SLC27A1: variants seen among roughly 807,000 people sequenced by gnomAD.
The protein encoded by SLC27A1 is solute carrier family 27 member 1, also known as long-chain fatty acid transport protein 1.
In SLC27A1, 61 loss-of-function variants were observed where a neutral mutation model predicts 62.2. The ratio of observed to expected loss-of-function variants is 0.98; its 90% CI spans 0.80 to 1.21. The LOEUF is 1.21. SLC27A1 is among the 50% of genes most tolerant of loss of function. SLC27A1 has a pLI of 0.00. For synonymous variants in SLC27A1, 435 were observed against 408.6 expected, an observed-to-expected ratio of 1.06 and a Z score of -0.78; for missense variants, 903 against 932.1, an observed-to-expected ratio of 0.97 and a Z score of 0.41.
chr19:17,500,073 T>G, intron 7 of SLC27A1: 1 of 746,500 alleles, frequency 1.3e-6, no homozygotes, highest in Non-Finnish European at 2.1e-6. Context: ...TTCTCTTGAC[T>G]GAATGCAGGC....
chr19:17,471,918 C>T (rs1381709876), intron 1 of SLC27A1, among the ~76,000 whole-genome samples: 1 of 152,164 alleles, frequency 6.6e-6, no homozygotes, highest in East Asian at 1.9e-4. Flanking sequence ...CATCTGTTCC[C>T]TGCCCACCTG....
In SLC27A1 at chr19:17,486,875, G is replaced by T; in HGVS notation, c.480G>T (p.Val160=). ...KAGMEAALLN[V]NLRREPLAFC... is the part of the protein sequence containing the mutation. ...GCATGGAGGCCGCGCTGCTCAACGTGAACCTGCGGCGCGAGCCCCTGGCCT... is the reference window on the plus strand; with the variant it reads ...GCATGGAGGCCGCGCTGCTCAACGTTAACCTGCGGCGCGAGCCCCTGGCCT... The change falls in exon 2 of 12, where the codon GTG becomes GTT. Residue 160 remains valine, a synonymous_variant. Transcript: ENST00000252595. This position sits in a 1 kb window ranked among gnomAD's most constrained non-coding sequence, Gnocchi z 6.6. 6.3e-7 allele frequency: 1 copy of T among 1,586,732 alleles called. No individual in the cohort carries two copies.
intron 1 of SLC27A1, among the ~76,000 whole-genome samples, chr19:17,471,476 G>GT (rs1176651479): frequency 6.6e-6 from 1 of 151,968 alleles, no homozygotes; most frequent in Non-Finnish European, 1.5e-5. Context: ...TCCTTGGAGG[G>GT]TTTTTGCGGT....
At position 17,487,202 on chromosome 19, in the gene SLC27A1, G is replaced by GAA. The variant is rs2075243564; in HGVS notation, c.594_595dup (p.Ser199LysfsTer3). ...TGGCCGAAGTGAGCGGGCATCTGGG[G>GAA]AAAAGTTTGATCAAGTTCTGCTCTG... On this transcript the variant is annotated frameshift_variant, in exon 3 of 12. Transcript: ENST00000252595. LOFTEE classifies it high-confidence loss of function. The GAA allele has an allele frequency of 6.2e-7, 1 of 1,614,014 alleles. No individual in the cohort carries two copies. Among genetic ancestry groups the GAA allele is most frequent in the Non-Finnish European group, 8.5e-7 (1 of 1,180,008 alleles).
upstream of SLC27A1, among the ~76,000 whole-genome samples, chr19:17,469,443 C>G (rs1208890235): frequency 6.6e-6 from 1 of 152,028 alleles, no homozygotes; most frequent in Non-Finnish European, 1.5e-5. Context: ...GGTAGAGATC[C>G]TGCACGCCAA....
rs1297136876 is a variant in SLC27A1, at chr19:17,504,601, T to C, written c.1930T>C (p.Phe644Leu). 2 of 1,614,008 alleles carry C rather than the reference T, an allele frequency of 1.2e-6. No homozygotes were observed. The highest frequency in any genetic ancestry group is 1.7e-6 in the Non-Finnish European group (2 of 1,180,024). The change falls in exon 12 of 12, where the codon TTC becomes CTC. Residue 644 changes from phenylalanine (F) to leucine (L), a missense_variant. By Grantham distance (22) the Phe-to-Leu change is conservative. Transcript: ENST00000252595. ...AVYTRICSGA[F>L]AL The stretch of plus-strand genomic sequence containing the variant: ...CTACACTCGCATCTGCTCGGGCGCC[T>C]TCGCCCTCTGAAGCTGTTCCTCTAC...
intron 7 of SLC27A1, chr19:17,499,759 G>A (rs1449255895): frequency 6.5e-6 from 1 of 153,644 alleles, no homozygotes; most frequent in Non-Finnish European, 1.4e-5. Context: ...GTTACAGTGA[G>A]CGAAGATTGC....
At position 17,495,066 on chromosome 19, in the gene SLC27A1, G is replaced by A. The variant is rs566321124; in HGVS notation, c.997-2189G>A. On this transcript the variant is annotated intron_variant, in intron 6 of 11. Coordinates refer to ENST00000252595, the MANE Select transcript of SLC27A1 (RefSeq NM_198580.3). Reference sequence around the variant, plus strand: ...TGGCTTACTGCAACCTCTGCCTCTCGGGTTCAAGAGATTCTCCTGCCTCAG... The same window carrying A: ...TGGCTTACTGCAACCTCTGCCTCTCAGGTTCAAGAGATTCTCCTGCCTCAG... Among the ~76,000 whole-genome samples, 3 of 151,542 alleles carry A rather than the reference G, an allele frequency of 2.0e-5. No homozygotes were observed. The East Asian group carries it at 5.8e-4, about 29-fold the overall frequency.
intron 7 of SLC27A1, 121 bp from the exon 8 acceptor site, chr19:17,500,155 TCA>T: frequency 3.4e-6 from 5 of 1,467,376 alleles, no homozygotes; most frequent in Non-Finnish European, 4.6e-6. Flanking sequence ...TCAGCCAAGG[TCA>T]CAGAGCTTAG....
At chr19:17,469,453 A>G (rs1052305885), upstream of SLC27A1, among the ~76,000 whole-genome samples, 2 of 152,086 alleles carry the variant, frequency 1.3e-5, no homozygotes, top group Non-Finnish European at 2.9e-5. Context: ...CTGCACGCCA[A>G]CTAGGGCTCG....
rs561973194 is a variant in SLC27A1, at chr19:17,500,403, C to T, written c.1332C>T (p.Ala444=). ...DAQGLCIPCQ[A]GEPGLLVGQI... The stretch of plus-strand genomic sequence containing the variant: ...AGGGCCTCTGCATCCCCTGCCAGGC[C>T]GGTGAGCAGGGCCCCCGCATGGTCC... Residue 444 remains alanine, a splice_region_variant and synonymous_variant, in exon 8 of 12, where the codon GCC becomes GCT. Transcript: ENST00000252595. 13 of 1,613,710 alleles carry T rather than the reference C, an allele frequency of 8.1e-6. No homozygotes were observed. Among genetic ancestry groups the T allele is most frequent in the Admixed American group, 3.3e-5 (2 of 60,002 alleles).
chr19:17,469,050 C>G (rs1382986608), upstream of SLC27A1: 2 of 152,214 alleles, frequency 1.3e-5, no homozygotes, highest in Non-Finnish European at 2.9e-5. Flanking sequence ...CCCAGGCCAG[C>G]GCTGGCAGCG....
rs763436997 is a variant in SLC27A1, at chr19:17,497,396, G to A, written c.1138G>A (p.Val380Ile). ...IWEEFTERFG[V>I]RQIGEFYGAT... is the part of the protein sequence containing the mutation. ...GGAGGAGTTCACGGAGCGCTTCGGC[G>A]TACGCCAAATCGGGGAGTTCTACGG... is the stretch of plus-strand genomic sequence containing the variant. The change falls in exon 7 of 12, where the codon GTA becomes ATA. Residue 380 changes from valine to isoleucine, a missense_variant. By Grantham distance (29) the Val-to-Ile change is conservative. Transcript: ENST00000252595. The A allele has an allele frequency of 1.2e-6, 2 of 1,605,500 alleles. No individual in the cohort carries two copies. Among genetic ancestry groups the A allele is most frequent in the Admixed American group, 1.8e-5 (1 of 57,002 alleles).
chr19:17,484,670 G>A (rs2075211431), intron 1 of SLC27A1, among the ~76,000 whole-genome samples: 1 of 151,804 alleles, frequency 6.6e-6, no homozygotes, highest in Non-Finnish European at 1.5e-5. Flanking sequence ...AGTGAATGAA[G>A]ATGGAATGAA....
rs555231610 is a variant in SLC27A1, at chr19:17,482,448, G to T, written c.168-4115G>T. ...CGGGTGGATCACGAGGTCAAGAAAT[G>T]GAGACCATTCTGGCTAACATGGTGA... On this transcript the variant is annotated intron_variant, in intron 1 of 11. Transcript: ENST00000252595. Among the ~76,000 whole-genome samples the T allele has an allele frequency of 2.2e-4, 34 of 151,992 alleles. No homozygotes were observed. The South Asian group carries it at 7.1e-3, about 32-fold the overall frequency.
rs2144576611 is a variant in SLC27A1, at chr19:17,486,918, G to A, written c.523G>A (p.Gly175Ser). 1.3e-6 allele frequency: 2 copies of A among 1,591,722 alleles called. No individual in the cohort carries two copies. The highest frequency in any genetic ancestry group is 1.7e-4 in the Middle Eastern group (1 of 6,014). The change falls in exon 2 of 12, where the codon GGC becomes AGC. Residue 175 changes from glycine (G) to serine (S), a missense_variant. By Grantham distance (56) the Gly-to-Ser change is moderately conservative. Transcript: ENST00000252595. The surrounding 1 kb of genome is among the most constrained non-coding windows in gnomAD (Gnocchi z 6.6). The stretch of plus-strand genomic sequence containing the variant: ...CCTGGCCTTCTGCCTGGGCACCTCG[G>A]GCGCTAAGGCCCTGATCTTTGGAGG... ...EPLAFCLGTS[G>S]AKALIFGGEM... is the part of the protein sequence containing the mutation.
intron 1 of SLC27A1, among the ~76,000 whole-genome samples, chr19:17,471,480 T>C (rs1224398281): frequency 1.3e-5 from 2 of 151,908 alleles, no homozygotes; most frequent in Non-Finnish European, 2.9e-5. Flanking sequence ...TGGAGGGTTT[T>C]TGCGGTGTCT....
At chr19:17,475,122 C>G (rs889363139) in intron 1 of SLC27A1, among the ~76,000 whole-genome samples, 2 of 152,168 alleles carry the variant, frequency 1.3e-5, no homozygotes, top group African/African-American at 4.8e-5. Context: ...ACCACATTGG[C>G]CAGGCTGGTC....
At position 17,497,321 on chromosome 19, in the gene SLC27A1, C is replaced by T. The variant is rs776300655; in HGVS notation, c.1063C>T (p.Arg355Ter). Residue 355 changes from arginine (R) to a stop codon, truncating the protein, a stop_gained, in exon 7 of 12, where the codon CGA (arginine) becomes TGA (stop). Coordinates refer to ENST00000252595, the MANE Select transcript of SLC27A1 (RefSeq NM_198580.3). LOFTEE classifies it high-confidence loss of function. ...LKQPVREAER[R>*]HRVRLAVGNG... ...GCAGCCGGTGCGCGAGGCGGAGAGG[C>T]GACACCGCGTGCGCCTGGCGGTGGG... is the stretch of plus-strand genomic sequence containing the variant. 2.7e-5 allele frequency: 44 copies of T among 1,606,216 alleles called. No homozygotes were observed. Among genetic ancestry groups the T allele is most frequent in the Non-Finnish European group, 3.5e-5 (41 of 1,177,630 alleles).
Sources: gnomAD v4.1 joint callset for allele counts (sites outside exome capture counted in the v4.1 genomes callset) on GRCh38, gnomAD v4.1.1 for gene constraint, Gnocchi (gnomAD v3.1) non-coding constraint, MANE v1.5 for transcripts, NCBI Gene and HGNC (gene_info 2026-07-23, HGNC 2026-07-21) for gene names.